TMED5: variants seen among roughly 807,000 people sequenced by gnomAD.
The protein encoded by TMED5 is transmembrane p24 trafficking protein 5.
TMED5 carries 27 observed loss-of-function variants against 23.0 expected under a neutral mutation model. The observed-to-expected ratio is 1.17, with a 90% CI of 0.86 to 1.62. TMED5 has a LOEUF of 1.62. Among genes scored for constraint, TMED5 ranks in the 40% most tolerant of loss-of-function variants. The pLI is 0.00. For synonymous variants in TMED5, 97 were observed against 100.8 expected (o/e 0.96, Z 0.23); for missense variants, 248 against 273.7 (o/e 0.91, Z 0.66).
At chr1:93,179,324 T>C (rs1649132372) in intron 1 of TMED5, among the ~76,000 whole-genome samples, 1 of 141,736 alleles carries the variant, frequency 7.1e-6, no homozygotes, top group South Asian at 2.2e-4. Context: ...ATAGCGCCAC[T>C]GCACTCCAAC....
intron 1 of TMED5, among the ~76,000 whole-genome samples, chr1:93,179,282 A>T (rs1246519341): frequency 1.3e-5 from 2 of 151,680 alleles, no homozygotes; most frequent in Non-Finnish European, 2.9e-5. Context: ...GAATCGCTTG[A>T]ACCCGGGAGG....
At chr1:93,175,428 G>T (rs1648880592) in intron 1 of TMED5, among the ~76,000 whole-genome samples, 2 of 144,834 alleles carry the variant, frequency 1.4e-5, no homozygotes, top group Non-Finnish European at 3.0e-5. Context: ...TATATATTTT[G>T]TATATGTATA....
At chr1:93,171,229 C>A (rs940134566) in intron 1 of TMED5, among the ~76,000 whole-genome samples, 4 of 152,134 alleles carry the variant, frequency 2.6e-5, no homozygotes, top group Non-Finnish European at 5.9e-5. Context: ...CTGCAAAGGT[C>A]TGCAGCTTCA....
At chr1:93,156,721 T>C (rs1413369497) in intron 2 of TMED5, among the ~76,000 whole-genome samples, 5 of 148,982 alleles carry the variant, frequency 3.4e-5, no homozygotes, top group Non-Finnish European at 5.9e-5. Flanking sequence ...AGTGTGAGGA[T>C]TGCTTGAGCC....
chr1:93,167,477 T>C (rs1284546748), intron 1 of TMED5, among the ~76,000 whole-genome samples: 1 of 152,150 alleles, frequency 6.6e-6, no homozygotes, highest in Non-Finnish European at 1.5e-5. Flanking sequence ...CGATCTTTCA[T>C]TTTTTCGGCT....
chr1:93,167,363 A>G (rs146574429), intron 1 of TMED5, among the ~76,000 whole-genome samples: 2,303 of 152,290 alleles, frequency 0.015, 27 homozygotes, highest in Non-Finnish European at 0.023. Context: ...TAGTATGGAC[A>G]TTTTAACAAT....
In TMED5 at chr1:93,175,175, T is replaced by TTATATATATATATATA. The variant is rs201008342; in HGVS notation, c.189+4863_189+4878dup. Among the ~76,000 whole-genome samples, 695 of 119,758 alleles carry TTATATATATATATATA rather than the reference T, an allele frequency of 5.8e-3. 17 individuals are homozygous for TTATATATATATATATA. Among genetic ancestry groups the TTATATATATATATATA allele is most frequent in the African/African-American group, 0.019 (483 of 24,882 alleles). 78.6% of individuals were successfully genotyped at this position (119,758 alleles called of 152,430 possible). ...TATTTATATAATACTTAAAAGCCATTTATATATATATATATATATATATAT... is the reference window on the plus strand; with the variant it reads ...TATTTATATAATACTTAAAAGCCATTTATATATATATATATATATATATATATATATATATATATAT... On this transcript the variant is annotated intron_variant, in intron 1 of 3. Coordinates refer to ENST00000370282, the MANE Select transcript of TMED5 (RefSeq NM_016040.5).
chr1:93,177,655 C>T (rs1648968440), intron 1 of TMED5, among the ~76,000 whole-genome samples: 1 of 144,102 alleles, frequency 6.9e-6, no homozygotes, highest in South Asian at 2.2e-4. Flanking sequence ...AAGAATAAAG[C>T]TAAACCAAGC....
At chr1:93,176,884 T>C (rs1648932374) in intron 1 of TMED5, among the ~76,000 whole-genome samples, 1 of 152,172 alleles carries the variant, frequency 6.6e-6, no homozygotes. Context: ...CTGACACATA[T>C]CAAGCACGCA....
intron 1 of TMED5, among the ~76,000 whole-genome samples, chr1:93,173,912 A>C (rs1366353468): frequency 2.0e-5 from 3 of 152,268 alleles, no homozygotes; most frequent in Admixed American, 6.5e-5. Flanking sequence ...AAGAGTTCAC[A>C]TCTAGGAGAA....
At chr1:93,164,864 G>A (rs1648434432) in intron 1 of TMED5, among the ~76,000 whole-genome samples, 2 of 152,212 alleles carry the variant, frequency 1.3e-5, no homozygotes, top group South Asian at 4.1e-4. Context: ...GTGATGGGAT[G>A]TTGCTTTCAT....
chr1:93,166,357 G>A (rs1648504673), intron 1 of TMED5, among the ~76,000 whole-genome samples: 1 of 152,148 alleles, frequency 6.6e-6, no homozygotes, highest in Non-Finnish European at 1.5e-5. Flanking sequence ...CTCCATAGTG[G>A]TTGTACTAAT....
rs1648773151 is a variant in TMED5, at chr1:93,172,815, A to G, written c.189+7239T>C. On this transcript the variant is annotated intron_variant, in intron 1 of 3. Coordinates refer to ENST00000370282, the MANE Select transcript of TMED5 (RefSeq NM_016040.5). ...GATATCTGCACTCCCATATTCATTG[A>G]AGCATTATTCACAATAGTCAAGACA... Among the ~76,000 whole-genome samples, 3 of 152,180 alleles carry G rather than the reference A, an allele frequency of 2.0e-5. No homozygotes were observed. The South Asian group carries it at 6.2e-4, about 31-fold the overall frequency.
At chr1:93,176,476 A>G (rs1474965550) in intron 1 of TMED5, among the ~76,000 whole-genome samples, 1 of 151,380 alleles carries the variant, frequency 6.6e-6, no homozygotes, top group Non-Finnish European at 1.5e-5. Context: ...AATTTGATTA[A>G]TTAATACTTG....
rs1166275213 is a variant in TMED5, at chr1:93,151,845, G to A, written c.*2825C>T. 2 of 152,060 alleles carry A rather than the reference G, an allele frequency of 1.3e-5. No individual in the cohort carries two copies. The highest frequency in any genetic ancestry group is 3.9e-4 in the East Asian group (2 of 5,186). The allele number at this position is 152,060 out of a possible 1,614,324, so 9.4% of individuals were successfully genotyped here. On this transcript the variant is annotated 3_prime_UTR_variant, in exon 4 of 4. Transcript: ENST00000370282. Reference sequence around the variant, plus strand: ...AGACAGCATTTACAAATGACTGGCAGTTAATTTTCTTTGATAATTTTTATT... The same window carrying A: ...AGACAGCATTTACAAATGACTGGCAATTAATTTTCTTTGATAATTTTTATT...
intron 1 of TMED5, among the ~76,000 whole-genome samples, chr1:93,176,192 T>G (rs1648905093): frequency 6.6e-6 from 1 of 152,196 alleles, no homozygotes; most frequent in Admixed American, 6.5e-5. Context: ...GTACCACTTT[T>G]CTCTCTCTGT....
Position 93,180,049 on chromosome 1 carries a change from C to G in TMED5, c.189+5G>C. ...GAAGGAGGCTGGTTTATCCTCCGCA[C>G]TTACTTGGTACTCGATCTCCAGCGA... On this transcript the variant is annotated splice_donor_5th_base_variant and intron_variant, in intron 1 of 3. Coordinates refer to ENST00000370282, the MANE Select transcript of TMED5 (RefSeq NM_016040.5). The G allele has an allele frequency of 6.2e-7, 1 of 1,611,822 alleles. No individual in the cohort carries two copies. Among genetic ancestry groups the G allele is most frequent in the Non-Finnish European group, 8.5e-7 (1 of 1,178,976 alleles).
intron 1 of TMED5, among the ~76,000 whole-genome samples, chr1:93,173,044 G>A (rs941225640): frequency 1.3e-5 from 2 of 152,102 alleles, no homozygotes; most frequent in Non-Finnish European, 2.9e-5. Flanking sequence ...ACCAGAAGCT[G>A]GGGGTGGGGG....
chr1:93,172,197 A>G (rs1302534934), intron 1 of TMED5, among the ~76,000 whole-genome samples: 1 of 152,172 alleles, frequency 6.6e-6, no homozygotes, highest in Non-Finnish European at 1.5e-5. Flanking sequence ...TCAGCACTAT[A>G]CTGGAAGCTC....
Sources: allele counts gnomAD v4.1 joint callset (sites outside exome capture counted in the v4.1 genomes callset), GRCh38; gene constraint gnomAD v4.1.1; transcripts MANE v1.5; gene names NCBI Gene and HGNC (gene_info 2026-07-23, HGNC 2026-07-21).